The following ATP10B variants were observed in gnomAD, a reference collection of about 807,000 sequenced individuals.
ATP10B encodes the protein phospholipid-transporting ATPase VB.
A neutral mutation model predicts 141.2 loss-of-function variants in ATP10B; 122 were observed. That is an observed-to-expected ratio of 0.86 (90% CI 0.75 to 1.00). The LOEUF (loss-of-function observed/expected upper bound fraction) is 1.00, where lower values mean the gene tolerates loss of function less well. ATP10B is among the 50% of genes least tolerant of loss of function. ATP10B has a pLI of 0.00. For missense variants in ATP10B, 1,876 were observed against 1,825.3 expected (o/e 1.03, Z -0.51); for synonymous variants, 685 against 692.0 (o/e 0.99, Z 0.16).
At chr5:160,868,513 T>TG in the ATP10B span, among the ~76,000 whole-genome samples, 7 of 129,956 alleles carry the variant, frequency 5.4e-5, no homozygotes, top group East Asian at 9.8e-4. Context: ...CTAAGGCATA[T>TG]GAACAGATAC....
intron 6 of ATP10B, among the ~76,000 whole-genome samples, chr5:160,682,216 G>A (rs537486334): frequency 2.0e-5 from 3 of 152,300 alleles, no homozygotes; most frequent in African/African-American, 7.2e-5. Flanking sequence ...AGATGAACAG[G>A]TTTCTTTGCT....
At chr5:160,908,739 C>T in the ATP10B span, among the ~76,000 whole-genome samples, 1 of 152,146 alleles carries the variant, frequency 6.6e-6, no homozygotes, top group African/African-American at 2.4e-5. Flanking sequence ...TTGTGGTTAT[C>T]ATCATGATAA....
chr5:160,600,627 G>C (rs1166743574), intron 21 of ATP10B, among the ~76,000 whole-genome samples: 1 of 152,176 alleles, frequency 6.6e-6, no homozygotes, highest in African/African-American at 2.4e-5. Flanking sequence ...CAGCGTTACA[G>C]AGTGCTTCTT....
intron 1 of ATP10B, among the ~76,000 whole-genome samples, chr5:160,818,086 T>C (rs369800383): frequency 6.6e-6 from 1 of 152,116 alleles, no homozygotes; most frequent in African/African-American, 2.4e-5. Flanking sequence ...GACACAGGCA[T>C]GGGCAAGGAC....
chr5:160,861,876 A>C, the ATP10B span, among the ~76,000 whole-genome samples: 1 of 151,968 alleles, frequency 6.6e-6, no homozygotes, highest in African/African-American at 2.4e-5. Context: ...ATAACAATAT[A>C]TCTATTACAT....
At chr5:160,832,806 C>T (rs187577104) in intron 1 of ATP10B, among the ~76,000 whole-genome samples, 22 of 152,094 alleles carry the variant, frequency 1.4e-4, no homozygotes, top group African/African-American at 3.4e-4. Flanking sequence ...CCGGAGGGCA[C>T]GGCACAAGAA....
chr5:160,877,688 C>CTCAGGATA, the ATP10B span, among the ~76,000 whole-genome samples: 1 of 147,374 alleles, frequency 6.8e-6, no homozygotes, highest in Non-Finnish European at 1.5e-5. Flanking sequence ...TCAGCAAAGT[C>CTCAGGATA]TCAGGATACA....
intron 1 of ATP10B, among the ~76,000 whole-genome samples, chr5:160,803,163 TCA>T (rs1240937564): frequency 6.6e-6 from 1 of 152,178 alleles, no homozygotes; most frequent in African/African-American, 2.4e-5. Flanking sequence ...TCTCTAAACC[TCA>T]GTTTTTTTCC....
At chr5:160,720,284 C>T (rs1383761915) in intron 2 of ATP10B, among the ~76,000 whole-genome samples, 1 of 152,144 alleles carries the variant, frequency 6.6e-6, no homozygotes, top group Admixed American at 6.5e-5. Flanking sequence ...AAAATATGTG[C>T]TTTTGCAACA....
chr5:160,823,357 G>C (rs1331501379), intron 1 of ATP10B, among the ~76,000 whole-genome samples: 1 of 151,948 alleles, frequency 6.6e-6, no homozygotes, highest in Non-Finnish European at 1.5e-5. Context: ...CATGGACACA[G>C]GGAGGGGAAC....
Position 160,843,493 on chromosome 5 carries a change from C to A in ATP10B, c.-576+8448G>T, listed in dbSNP as rs143944265. ...TCTAAGCAAACACGTAAGTTACTAC[C>A]AACAGAGCATTGACAAAAAAAAAAA... On this transcript the variant is annotated intron_variant, in intron 1 of 25. Coordinates refer to ENST00000327245, the MANE Select transcript of ATP10B (RefSeq NM_025153.3). Among the ~76,000 whole-genome samples, 895 of 149,096 alleles carry A rather than the reference C, an allele frequency of 6.0e-3. 12 individuals are homozygous for A. The highest frequency in any genetic ancestry group is 0.021 in the African/African-American group (852 of 40,292).
intron 24 of ATP10B, among the ~76,000 whole-genome samples, chr5:160,584,486 G>A (rs913913820): frequency 2.6e-5 from 4 of 152,168 alleles, no homozygotes; most frequent in South Asian, 4.2e-4. Flanking sequence ...TGGCCATCTC[G>A]CCAGCCACCC....
chr5:160,860,968 A>T, the ATP10B span, among the ~76,000 whole-genome samples: 3 of 151,962 alleles, frequency 2.0e-5, no homozygotes, highest in Non-Finnish European at 2.9e-5. Context: ...CTGCTTCAGT[A>T]GGTCATATTA....
intron 7 of ATP10B, among the ~76,000 whole-genome samples, chr5:160,657,505 T>C (rs1761590079): frequency 6.6e-6 from 1 of 152,176 alleles, no homozygotes; most frequent in African/African-American, 2.4e-5. Context: ...GCAGGCAGAT[T>C]GGGCTGGAGG....
intron 24 of ATP10B, among the ~76,000 whole-genome samples, chr5:160,575,305 A>G (rs958477026): frequency 6.6e-6 from 1 of 152,170 alleles, no homozygotes; most frequent in Admixed American, 6.6e-5. Context: ...TTTAGGGTCA[A>G]ATATTACATT....
At chr5:160,695,111 AACTG>A (rs1328239746) in intron 3 of ATP10B, among the ~76,000 whole-genome samples, 1 of 152,216 alleles carries the variant, frequency 6.6e-6, no homozygotes, top group Non-Finnish European at 1.5e-5. Context: ...ATAGAAAAAT[AACTG>A]ACTGGGTAAC....
chr5:160,729,446 T>C (rs1766589345), intron 2 of ATP10B, among the ~76,000 whole-genome samples: 1 of 152,182 alleles, frequency 6.6e-6, no homozygotes, highest in South Asian at 2.1e-4. Context: ...CAAAGATGAT[T>C]ATGACAGATG....
At chr5:160,858,150 A>G in the ATP10B span, among the ~76,000 whole-genome samples, 1 of 151,744 alleles carries the variant, frequency 6.6e-6, no homozygotes. Context: ...CTTTGTGACT[A>G]TGTTGTTTGG....
chr5:160,856,019 C>A (rs1753988886), upstream of ATP10B, among the ~76,000 whole-genome samples: 2 of 151,696 alleles, frequency 1.3e-5, no homozygotes, highest in Admixed American at 1.3e-4. Flanking sequence ...TAGATTCCTT[C>A]CACTTTATTT....
Sources: allele counts gnomAD v4.1 joint callset (sites outside exome capture counted in the v4.1 genomes callset), GRCh38; gene constraint gnomAD v4.1.1; transcripts MANE v1.5; gene names NCBI Gene and HGNC (gene_info 2026-07-23, HGNC 2026-07-21).